MEGF11: variants seen among roughly 807,000 people sequenced by gnomAD.
MEGF11 encodes the protein multiple EGF like domains 11, also known as multiple epidermal growth factor-like domains protein 11.
A neutral mutation model predicts 146.6 loss-of-function variants in MEGF11; 126 were observed. That is an observed-to-expected ratio of 0.86 (90% CI 0.74 to 1.00). The LOEUF is 1.00. Among genes scored for constraint, MEGF11 ranks in the 50% least tolerant of loss-of-function variants. The pLI is 0.00. For missense variants in MEGF11, 1,509 were observed against 1,521.2 expected (o/e 0.99, Z 0.13); for synonymous variants, 532 against 583.4 (o/e 0.91, Z 1.27).
intron 9 of MEGF11, among the ~76,000 whole-genome samples, chr15:65,961,413 C>CT (rs1430379720): frequency 6.6e-6 from 1 of 152,224 alleles, no homozygotes; most frequent in Non-Finnish European, 1.5e-5. Flanking sequence ...TATGAGATTT[C>CT]TATCAATGCT....
chr15:66,118,992 G>A (rs1218737503), intron 4 of MEGF11, 94 bp downstream of exon 4: 3 of 822,894 alleles, frequency 3.6e-6, no homozygotes, highest in Admixed American at 2.2e-5. Flanking sequence ...CTGCCTAGGG[G>A]CCGTGGATAT....
intron 1 of MEGF11, among the ~76,000 whole-genome samples, chr15:66,240,864 T>C (rs2092195248): frequency 6.6e-6 from 1 of 152,198 alleles, no homozygotes; most frequent in African/African-American, 2.4e-5. Context: ...GGGAAGCTTT[T>C]TGGATTTGTG....
intron 5 of MEGF11, among the ~76,000 whole-genome samples, chr15:66,046,156 A>G (rs148558298): frequency 5.1e-4 from 77 of 152,304 alleles, no homozygotes; most frequent in African/African-American, 1.8e-3. Flanking sequence ...AGGCTCAGAA[A>G]GGTGAAGGGA....
intron 1 of MEGF11, among the ~76,000 whole-genome samples, chr15:66,190,685 A>G (rs906690267): frequency 6.6e-6 from 1 of 151,612 alleles, no homozygotes; most frequent in Non-Finnish European, 1.5e-5. Context: ...CCTTCACCCC[A>G]CTGAATCTCG....
At chr15:65,991,784 C>T (rs1415176876) in intron 5 of MEGF11, among the ~76,000 whole-genome samples, 1 of 152,228 alleles carries the variant, frequency 6.6e-6, no homozygotes, top group African/African-American at 2.4e-5. Context: ...CGTGACCACA[C>T]AGCTAACAAA....
chr15:66,101,146 TAG>T (rs887724558), intron 4 of MEGF11, among the ~76,000 whole-genome samples: 3 of 151,696 alleles, frequency 2.0e-5, no homozygotes, highest in Admixed American at 6.6e-5. Flanking sequence ...CCTGAGAGAG[TAG>T]ACACTTCTTC....
At chr15:66,060,274 G>A (rs1226588880) in intron 5 of MEGF11, among the ~76,000 whole-genome samples, 1 of 152,136 alleles carries the variant, frequency 6.6e-6, no homozygotes, top group Non-Finnish European at 1.5e-5. Context: ...AGAAGTGGTG[G>A]CAGAAGGAAG....
At chr15:66,018,471 C>T (rs917883747) in intron 5 of MEGF11, among the ~76,000 whole-genome samples, 1 of 152,222 alleles carries the variant, frequency 6.6e-6, no homozygotes, top group African/African-American at 2.4e-5. Context: ...GGTTTCTGTG[C>T]AGTGCATGAA....
chr15:65,927,585 G>A (rs2079416808), intron 13 of MEGF11, among the ~76,000 whole-genome samples: 1 of 152,222 alleles, frequency 6.6e-6, no homozygotes, highest in African/African-American at 2.4e-5. Context: ...GGGTATTGTA[G>A]CAGGGGAAGT....
intron 5 of MEGF11, among the ~76,000 whole-genome samples, chr15:66,018,168 A>G (rs2082962005): frequency 6.6e-6 from 1 of 152,006 alleles, no homozygotes; most frequent in Non-Finnish European, 1.5e-5. Context: ...TGGGCCACAG[A>G]GCCGGGGAGT....
intron 10 of MEGF11, among the ~76,000 whole-genome samples, chr15:65,932,147 C>T (rs2141315289): frequency 6.6e-6 from 1 of 152,328 alleles, no homozygotes; most frequent in East Asian, 1.9e-4. Context: ...GTTACAGTAA[C>T]TTCTGCTGAT....
At chr15:66,108,926 C>T (rs1567244580) in intron 4 of MEGF11, among the ~76,000 whole-genome samples, 1 of 152,216 alleles carries the variant, frequency 6.6e-6, no homozygotes, top group Non-Finnish European at 1.5e-5. Flanking sequence ...TACATAAATG[C>T]CTGACTGCTT....
intron 1 of MEGF11, among the ~76,000 whole-genome samples, chr15:66,179,690 G>C (rs899081): frequency 0.39 from 59,507 of 151,780 alleles, 11,710 homozygotes; most frequent in East Asian, 0.47. Context: ...GTACTCAACC[G>C]GGTTTCAGGT....
chr15:66,138,317 A>C (rs1333808276), intron 1 of MEGF11, among the ~76,000 whole-genome samples: 1 of 152,232 alleles, frequency 6.6e-6, no homozygotes, highest in Non-Finnish European at 1.5e-5. Flanking sequence ...TGAGACTGCT[A>C]TCACAATGGT....
chr15:66,223,965 G>T (rs1435928998), intron 1 of MEGF11, among the ~76,000 whole-genome samples: 1 of 152,134 alleles, frequency 6.6e-6, no homozygotes, highest in Non-Finnish European at 1.5e-5. Flanking sequence ...TCCCTCAAGA[G>T]GTCAGCCCCC....
intron 5 of MEGF11, among the ~76,000 whole-genome samples, chr15:66,049,842 C>G (rs1158262564): frequency 6.6e-6 from 1 of 152,222 alleles, no homozygotes; most frequent in Non-Finnish European, 1.5e-5. Flanking sequence ...TCTCCCAGAG[C>G]TGATGGCGAC....
chr15:66,145,954 A>T (rs1173642389), intron 1 of MEGF11, among the ~76,000 whole-genome samples: 3 of 152,214 alleles, frequency 2.0e-5, no homozygotes, highest in Non-Finnish European at 4.4e-5. Flanking sequence ...AGCTGCTATT[A>T]CCGTTGGGCG....
At chr15:66,214,825 C>T (rs923234989) in intron 1 of MEGF11, among the ~76,000 whole-genome samples, 2 of 152,034 alleles carry the variant, frequency 1.3e-5, no homozygotes, top group African/African-American at 4.8e-5. Context: ...ACTAACACTG[C>T]ACTCAAGGCC....
At chr15:65,912,323 C>T in intron 20 of MEGF11, 123 bp from the exon 21 acceptor site, 2 of 508,980 alleles carry the variant, frequency 3.9e-6, no homozygotes. Flanking sequence ...GGCAAGTACC[C>T]CATCCCCCAA....
Sources: gnomAD v4.1 joint callset for allele counts (sites outside exome capture counted in the v4.1 genomes callset) on GRCh38, gnomAD v4.1.1 for gene constraint, MANE v1.5 for transcripts, NCBI Gene and HGNC (gene_info 2026-07-23, HGNC 2026-07-21) for gene names.